The following FIG4 variants were observed in gnomAD, a reference collection of about 807,000 sequenced individuals.
FIG4 encodes the protein FIG4 phosphoinositide 5-phosphatase, also known as polyphosphoinositide phosphatase.
In FIG4, 112 loss-of-function variants were observed where a neutral mutation model predicts 118.6. The observed-to-expected ratio is 0.94, with a 90% CI of 0.81 to 1.11. The LOEUF is 1.11. FIG4 is among the 50% of genes least tolerant of loss of function. The pLI is 0.00. For missense variants in FIG4, 969 were observed against 1,111.7 expected, an observed-to-expected ratio of 0.87 and a Z score of 1.83; for synonymous variants, 369 against 381.2, an observed-to-expected ratio of 0.97 and a Z score of 0.37.
At chr6:109,720,586 A>C (rs1365468701) in intron 3 of FIG4, among the ~76,000 whole-genome samples, 1 of 152,226 alleles carries the variant, frequency 6.6e-6, no homozygotes, top group Non-Finnish European at 1.5e-5. Flanking sequence ...ATGTGACTTA[A>C]AACACGAGTT....
At chr6:109,759,539 G>A (rs1294200546) in intron 10 of FIG4, among the ~76,000 whole-genome samples, 5 of 152,184 alleles carry the variant, frequency 3.3e-5, no homozygotes, top group Admixed American at 3.3e-4. Flanking sequence ...GGGAAATTGA[G>A]AACATTGCCC....
At chr6:109,805,280 T>C (rs971687052) in intron 22 of FIG4, among the ~76,000 whole-genome samples, 1 of 152,172 alleles carries the variant, frequency 6.6e-6, no homozygotes, top group African/African-American at 2.4e-5. Flanking sequence ...TTTCCTCCCA[T>C]AGGCAATTAG....
At chr6:109,759,548 C>T (rs1777035572) in intron 10 of FIG4, among the ~76,000 whole-genome samples, 1 of 152,040 alleles carries the variant, frequency 6.6e-6, no homozygotes. Context: ...AGAACATTGC[C>T]CAAGGTCACA....
intron 10 of FIG4, among the ~76,000 whole-genome samples, 181 bp from the exon 11 acceptor site, chr6:109,760,069 T>C (rs1008171637): frequency 6.6e-6 from 1 of 152,234 alleles, no homozygotes; most frequent in African/African-American, 2.4e-5. Flanking sequence ...TTCACTTTAA[T>C]ACAATGGAGC....
At chr6:109,785,713 G>A (rs1458818779) in intron 17 of FIG4, 3 of 470,480 alleles carry the variant, frequency 6.4e-6, no homozygotes, top group African/African-American at 6.0e-5. Context: ...TGCTCCAATT[G>A]AGGACTCCAT....
chr6:109,730,168 C>A (rs1309943449), intron 4 of FIG4, among the ~76,000 whole-genome samples: 1 of 152,090 alleles, frequency 6.6e-6, no homozygotes, highest in African/African-American at 2.4e-5. Context: ...CCCACCTCAG[C>A]CTCCCCAGTA....
chr6:109,808,069 G>A (rs1778616718), intron 22 of FIG4, among the ~76,000 whole-genome samples: 1 of 152,044 alleles, frequency 6.6e-6, no homozygotes, highest in South Asian at 2.1e-4. Flanking sequence ...ACCCAACCTG[G>A]GCACCTACTG....
chr6:109,707,297 G>A (rs1325499225), intron 1 of FIG4, among the ~76,000 whole-genome samples: 1 of 149,162 alleles, frequency 6.7e-6, no homozygotes, highest in African/African-American at 2.5e-5. Flanking sequence ...ATATATGTGT[G>A]TGTGTGTGTG....
At chr6:109,817,603 C>T (rs990787225) in intron 22 of FIG4, among the ~76,000 whole-genome samples, 9 of 151,678 alleles carry the variant, frequency 5.9e-5, no homozygotes, top group African/African-American at 2.2e-4. Context: ...TCTACCATAC[C>T]TGGACCAACA....
rs145414130 is a variant in FIG4, at chr6:109,740,513, G to A, written c.776-931G>A. 1.8e-3 allele frequency among the ~76,000 whole-genome samples: 281 copies of A among 152,234 alleles called. 3 individuals are homozygous for A. Among genetic ancestry groups the A allele is most frequent in the Middle Eastern group, 6.8e-3 (2 of 294 alleles). On this transcript the variant is annotated intron_variant, in intron 7 of 22. Transcript: ENST00000230124. ...ACTGTTACTCCATTTTATAGAAGATGAGACTTGGCTCAGAAAGTTAAGTAA... is the reference window on the plus strand; with the variant it reads ...ACTGTTACTCCATTTTATAGAAGATAAGACTTGGCTCAGAAAGTTAAGTAA...
chr6:109,795,580 C>G (rs1268412191), intron 21 of FIG4, among the ~76,000 whole-genome samples: 1 of 64,212 alleles, frequency 1.6e-5, no homozygotes, highest in Non-Finnish European at 3.7e-5. Flanking sequence ...GAAATCTGTT[C>G]TTTTGGTTTC....
At chr6:109,788,730 T>C (rs188104660) in intron 18 of FIG4, among the ~76,000 whole-genome samples, 73 of 152,310 alleles carry the variant, frequency 4.8e-4, no homozygotes, top group African/African-American at 1.7e-3. Flanking sequence ...CATTTGCAAA[T>C]GTTAAAATAG....
At chr6:109,734,440 G>T (rs1776101601) in intron 5 of FIG4, among the ~76,000 whole-genome samples, 1 of 149,578 alleles carries the variant, frequency 6.7e-6, no homozygotes, top group Admixed American at 6.7e-5. Flanking sequence ...TATTTATATA[G>T]AGTATGCATA....
chr6:109,786,183 C>T (rs1326549142), intron 17 of FIG4, 119 bp from the exon 18 acceptor site: 1 of 823,676 alleles, frequency 1.2e-6, no homozygotes, highest in African/African-American at 1.7e-5. Context: ...TACCCTCGGT[C>T]AGGGCTGTAT....
At chr6:109,707,345 A>G (rs1775108540) in intron 1 of FIG4, among the ~76,000 whole-genome samples, 1 of 108,988 alleles carries the variant, frequency 9.2e-6, no homozygotes, top group Admixed American at 1.0e-4. Context: ...ATATATACAT[A>G]TATACATACA....
At chr6:109,747,089 G>A (rs62437568) in intron 10 of FIG4, among the ~76,000 whole-genome samples, 44,510 of 151,932 alleles carry the variant, frequency 0.29, 7,131 homozygotes, top group Non-Finnish European at 0.37. Context: ...GTATGCTTGC[G>A]TCCTCTACAC....
At chr6:109,743,082 A>C in intron 8 of FIG4, 28 bp from the exon 9 acceptor site, 1 of 1,592,866 alleles carries the variant, frequency 6.3e-7, no homozygotes, top group Non-Finnish European at 8.6e-7. Flanking sequence ...ATAACATAAA[A>C]TATTTTTCAA....
intron 1 of FIG4, among the ~76,000 whole-genome samples, chr6:109,692,828 G>A (rs1331543131): frequency 6.6e-6 from 1 of 151,914 alleles, no homozygotes; most frequent in African/African-American, 2.4e-5. Flanking sequence ...AGCCTCCCAA[G>A]TAGCTAGGAT....
Position 109,766,778 on chromosome 6 carries a change from T to A in FIG4, c.1633T>A (p.Tyr545Asn). ...EDHGDTLSLQ[Y>N]GGSQLVHRVK... ...TCATGGTGATACCCTATCCCTTCAG[T>A]ATGGTGGTTCTCAACTTGTTCATCG... The change falls in exon 15 of 23, where the codon TAT becomes AAT. Residue 545 changes from tyrosine to asparagine, a missense_variant. Tyr to Asn is a moderately radical substitution (Grantham distance 143). Coordinates refer to ENST00000230124, the MANE Select transcript of FIG4 (RefSeq NM_014845.6). The A allele has an allele frequency of 6.2e-7, 1 of 1,614,018 alleles. No individual in the cohort carries two copies. The highest frequency in any genetic ancestry group is 1.1e-5 in the South Asian group (1 of 91,080).
Sources: gnomAD v4.1 joint callset for allele counts (sites outside exome capture counted in the v4.1 genomes callset) on GRCh38, gnomAD v4.1.1 for gene constraint, MANE v1.5 for transcripts, NCBI Gene and HGNC (gene_info 2026-07-23, HGNC 2026-07-21) for gene names.